Variants in MEI4 observed in about 807,000 individuals in gnomAD.
The protein encoded by MEI4 is meiotic double-stranded break formation protein 4.
A neutral mutation model predicts 31.4 loss-of-function variants in MEI4; 27 were observed. The ratio of observed to expected loss-of-function variants is 0.86; its 90% CI spans 0.63 to 1.19. The LOEUF is 1.19. Ranked by LOEUF, MEI4 falls within the 50% of genes most tolerant of loss-of-function variation. The pLI is 0.00. For synonymous variants in MEI4, 122 were observed against 145.4 expected, an observed-to-expected ratio of 0.84 and a Z score of 1.16; for missense variants, 329 against 398.9, an observed-to-expected ratio of 0.82 and a Z score of 1.49.
intron 1 of MEI4, among the ~76,000 whole-genome samples, chr6:77,675,836 G>C (rs969349357): frequency 1.3e-5 from 2 of 152,158 alleles, no homozygotes; most frequent in African/African-American, 4.8e-5. Flanking sequence ...TAACTATAAT[G>C]AAGGAAGAAG....
intron 2 of MEI4, among the ~76,000 whole-genome samples, chr6:77,752,035 T>C (rs750525094): frequency 4.6e-5 from 7 of 152,180 alleles, no homozygotes; most frequent in Non-Finnish European, 8.8e-5. Flanking sequence ...ATTATCTCAG[T>C]AGACCCAGAA....
intron 2 of MEI4, among the ~76,000 whole-genome samples, chr6:77,743,248 C>A (rs1767470138): frequency 6.6e-6 from 1 of 152,138 alleles, no homozygotes; most frequent in Non-Finnish European, 1.5e-5. Context: ...TCTTCCTACC[C>A]ATGAGCATGG....
intron 4 of MEI4, among the ~76,000 whole-genome samples, chr6:77,903,592 T>C (rs766229827): frequency 7.9e-5 from 12 of 152,048 alleles, no homozygotes; most frequent in Non-Finnish European, 1.6e-4. Flanking sequence ...GTGGAAAGAG[T>C]GGGTATCCTT....
rs570393236 is a variant in MEI4 at position 77,744,170 on chromosome 6, C to T, written c.233-16960C>T. 3.7e-4 allele frequency among the ~76,000 whole-genome samples: 57 copies of T among 152,146 alleles called. 1 individual carries two copies. The highest frequency in any genetic ancestry group is 4.0e-4 in the Non-Finnish European group (27 of 68,000). On this transcript the variant is annotated intron_variant, in intron 2 of 4. Transcript: ENST00000684080. ...AAGGCTTCAGACGATCAAACTACTC[C>T]GAGCTACAGGAGGAAATTCAAACCA...
Position 77,885,411 on chromosome 6 carries a change from C to T in MEI4, c.901-37678C>T, listed in dbSNP as rs1265906668. Among the ~76,000 whole-genome samples, 3 of 151,978 alleles carry T rather than the reference C, an allele frequency of 2.0e-5. No homozygotes were observed. The East Asian group carries it at 5.8e-4, about 29-fold the overall frequency. ...TTTGCCATGTTGCCCAGGCTGGTCTCAAACTGCTCGGCTCAAGCAATCCAC... is the reference window on the plus strand; with the variant it reads ...TTTGCCATGTTGCCCAGGCTGGTCTTAAACTGCTCGGCTCAAGCAATCCAC... On this transcript the variant is annotated intron_variant, in intron 4 of 4. Coordinates refer to ENST00000684080, the MANE Select transcript of MEI4 (RefSeq NM_001322247.2).
intron 2 of MEI4, among the ~76,000 whole-genome samples, chr6:77,751,637 C>CA (rs1195768165): frequency 6.6e-6 from 1 of 151,828 alleles, no homozygotes; most frequent in Non-Finnish European, 1.5e-5. Flanking sequence ...GCCTACTAAC[C>CA]AAAAAAAGTC....
At chr6:77,715,088 A>T (rs1353714461) in intron 2 of MEI4, among the ~76,000 whole-genome samples, 1 of 152,190 alleles carries the variant, frequency 6.6e-6, no homozygotes, top group Non-Finnish European at 1.5e-5. Flanking sequence ...ATTAAACAGA[A>T]TACAGTATGA....
rs202180941 is a variant in MEI4 at position 77,695,906 on chromosome 6, G to T, written c.232+5003G>T. ...TCTTCCTACCCATGAGCATGGAATG[G>T]TCTTCTATTTGTTTGTGTCCTCTTT... On this transcript the variant is annotated intron_variant, in intron 2 of 4. Transcript: ENST00000684080. 1.8e-4 allele frequency among the ~76,000 whole-genome samples: 28 copies of T among 152,234 alleles called. No homozygotes were observed. The East Asian group carries it at 4.3e-3, about 23-fold the overall frequency.
chr6:77,767,793 A>C (rs1233891634), intron 3 of MEI4, among the ~76,000 whole-genome samples: 1 of 152,196 alleles, frequency 6.6e-6, no homozygotes, highest in Non-Finnish European at 1.5e-5. Context: ...GTTGTATCAT[A>C]AACCAAAATC....
chr6:77,917,218 C>T (rs1562038293), intron 4 of MEI4, among the ~76,000 whole-genome samples: 1 of 151,884 alleles, frequency 6.6e-6, no homozygotes, highest in Non-Finnish European at 1.5e-5. Flanking sequence ...GTGAATAATG[C>T]CGCAATATAC....
At chr6:77,651,569 C>T (rs1318224585), upstream of MEI4, among the ~76,000 whole-genome samples, 4 of 152,098 alleles carry the variant, frequency 2.6e-5, no homozygotes, top group Non-Finnish European at 4.4e-5. Flanking sequence ...TTTTTGTTGT[C>T]TATTTAAAAT....
chr6:77,736,745 T>G (rs1479828289), intron 2 of MEI4, among the ~76,000 whole-genome samples: 1 of 152,004 alleles, frequency 6.6e-6, no homozygotes, highest in Non-Finnish European at 1.5e-5. Flanking sequence ...CATCACACAG[T>G]CTAGTGAGGG....
chr6:77,714,998 C>A (rs571333485), intron 2 of MEI4, among the ~76,000 whole-genome samples: 12 of 152,276 alleles, frequency 7.9e-5, no homozygotes, highest in Admixed American at 7.8e-4. Flanking sequence ...TGGGAGGAAG[C>A]CATGCCTTAT....
rs1769141350 is a variant in MEI4 at position 77,798,365 on chromosome 6, T to C, written c.769-30566T>C. On this transcript the variant is annotated intron_variant, in intron 3 of 4. Transcript: ENST00000684080. Reference sequence around the variant, plus strand: ...TTGTTTAATAAATACAATGTATTAATATTAATAATTAAAATAAATATGAAG... The same window carrying C: ...TTGTTTAATAAATACAATGTATTAACATTAATAATTAAAATAAATATGAAG... 3.3e-5 allele frequency among the ~76,000 whole-genome samples: 5 copies of C among 151,410 alleles called. 1 individual carries two copies. The South Asian group carries it at 1.1e-3, about 33-fold the overall frequency.
At chr6:77,902,017 AT>A (rs1242236142) in intron 4 of MEI4, among the ~76,000 whole-genome samples, 1 of 152,072 alleles carries the variant, frequency 6.6e-6, no homozygotes, top group Non-Finnish European at 1.5e-5. Context: ...TTGACCATAA[AT>A]TTGTGGATTT....
At chr6:77,798,336 A>C (rs1048524180) in intron 3 of MEI4, among the ~76,000 whole-genome samples, 5 of 151,616 alleles carry the variant, frequency 3.3e-5, no homozygotes, top group Admixed American at 3.3e-4. Flanking sequence ...TACTTATCAA[A>C]TATTTGTTTA....
At chr6:77,816,217 A>G (rs1769687010) in intron 3 of MEI4, among the ~76,000 whole-genome samples, 1 of 152,130 alleles carries the variant, frequency 6.6e-6, no homozygotes. Flanking sequence ...TGTCTACTCA[A>G]ATTATAATTT....
intron 3 of MEI4, among the ~76,000 whole-genome samples, chr6:77,779,644 A>G (rs1213216019): frequency 6.6e-6 from 1 of 152,064 alleles, no homozygotes; most frequent in Non-Finnish European, 1.5e-5. Flanking sequence ...GTGTTATGCC[A>G]TTTTACCATA....
intron 2 of MEI4, among the ~76,000 whole-genome samples, chr6:77,760,440 C>T (rs1437703553): frequency 1.3e-5 from 2 of 149,790 alleles, no homozygotes; most frequent in Non-Finnish European, 3.0e-5. Flanking sequence ...AGGTTCTTAA[C>T]ATGTCTTATA....
Sources: allele counts gnomAD v4.1 joint callset (sites outside exome capture counted in the v4.1 genomes callset), GRCh38; gene constraint gnomAD v4.1.1; transcripts MANE v1.5; gene names NCBI Gene and HGNC (gene_info 2026-07-23, HGNC 2026-07-21).